The following SPIDR variants were observed in gnomAD, a reference collection of about 807,000 sequenced individuals.
SPIDR encodes the protein DNA repair-scaffolding protein.
Under a neutral mutation model 104.6 loss-of-function variants are expected in SPIDR, and 93 were observed. The observed-to-expected ratio is 0.89, with a 90% CI of 0.75 to 1.06. The LOEUF (loss-of-function observed/expected upper bound fraction) is 1.06. Ranked by LOEUF, SPIDR falls within the 50% of genes least tolerant of loss-of-function variation. SPIDR has a pLI of 0.00. For synonymous variants in SPIDR, 431 were observed against 416.9 expected (o/e 1.03, Z -0.41); for missense variants, 1,154 against 1,111.2 (o/e 1.04, Z -0.55).
intron 5 of SPIDR, among the ~76,000 whole-genome samples, chr8:47,343,589 A>G (rs1386608615): frequency 1.3e-5 from 2 of 152,172 alleles, no homozygotes; most frequent in East Asian, 3.9e-4. Flanking sequence ...GGGTGGATGG[A>G]GTCTCATCTG....
Position 47,279,942 on chromosome 8 carries a change from A to G in SPIDR, c.114A>G (p.Thr38=). ...PLQVRRAGLR[T]AGAAASLSEA... is the part of the protein sequence containing the mutation. The stretch of plus-strand genomic sequence containing the variant: ...AGGTCAGAAGAGCAGGTCTCAGGAC[A>G]GCAGGGGCAGCTGCCTCTCTCTCTG... Residue 38 remains threonine (T), a synonymous_variant, in exon 2 of 20, where the codon ACA becomes ACG. Transcript: ENST00000297423. 6.2e-7 allele frequency: 1 copy of G among 1,614,198 alleles called. No homozygotes were observed. Among genetic ancestry groups the G allele is most frequent in the Non-Finnish European group, 8.5e-7 (1 of 1,180,000 alleles).
chr8:47,588,859 T>C (rs933394259), intron 8 of SPIDR, among the ~76,000 whole-genome samples: 60 of 152,144 alleles, frequency 3.9e-4, no homozygotes, highest in Admixed American at 1.3e-3. Context: ...GCCTTCAACT[T>C]GGTGAAGGTG....
chr8:47,686,961 A>G (rs2077909617), intron 11 of SPIDR, among the ~76,000 whole-genome samples: 1 of 151,272 alleles, frequency 6.6e-6, no homozygotes, highest in Admixed American at 6.6e-5. Context: ...TTCAAAGTTT[A>G]CTTAGATACT....
At chr8:47,466,585 G>T (rs2074816444) in intron 8 of SPIDR, among the ~76,000 whole-genome samples, 1 of 152,082 alleles carries the variant, frequency 6.6e-6, no homozygotes, top group African/African-American at 2.4e-5. Context: ...GATTGGCTAG[G>T]TGCAGTGGCT....
At chr8:47,343,599 G>C (rs1168658447) in intron 5 of SPIDR, among the ~76,000 whole-genome samples, 2 of 152,186 alleles carry the variant, frequency 1.3e-5, no homozygotes, top group African/African-American at 4.8e-5. Context: ...AGTCTCATCT[G>C]CGTGTGCTTC....
At chr8:47,495,038 A>G (rs1586675779) in intron 8 of SPIDR, among the ~76,000 whole-genome samples, 1 of 152,246 alleles carries the variant, frequency 6.6e-6, no homozygotes, top group East Asian at 1.9e-4. Flanking sequence ...AACCAACTCT[A>G]TTTCAGTGAC....
rs192208073 is a variant in SPIDR at position 47,568,677 on chromosome 8, C to T, written c.1098-27134C>T. On this transcript the variant is annotated intron_variant, in intron 8 of 19. Coordinates refer to ENST00000297423, the MANE Select transcript of SPIDR (RefSeq NM_001080394.4). ...CCAGGGTGAGCAAAGAGGATTTTCA[C>T]GTATCAGAAGAGAAAGAGAAAGGGG... is the stretch of plus-strand genomic sequence containing the variant. 1.6e-3 allele frequency among the ~76,000 whole-genome samples: 243 copies of T among 152,062 alleles called. 1 individual carries two copies. Among genetic ancestry groups the T allele is most frequent in the African/African-American group, 5.4e-3 (222 of 41,452 alleles).
At chr8:47,337,506 G>A (rs916822595) in intron 5 of SPIDR, among the ~76,000 whole-genome samples, 1 of 151,502 alleles carries the variant, frequency 6.6e-6, no homozygotes, top group African/African-American at 2.4e-5. Context: ...TTTCCCAGAT[G>A]TATGATTTGT....
chr8:47,511,009 A>G, intron 8 of SPIDR: 1 of 721,494 alleles, frequency 1.4e-6, no homozygotes, highest in South Asian at 1.5e-5. Flanking sequence ...CACAGGAGAG[A>G]GGCCAGGCAG....
intron 1 of SPIDR, among the ~76,000 whole-genome samples, chr8:47,273,175 C>A (rs1164604505): frequency 6.6e-6 from 1 of 152,068 alleles, no homozygotes; most frequent in Non-Finnish European, 1.5e-5. Flanking sequence ...CGAGACTGGC[C>A]CCACTTCAGA....
At chr8:47,708,368 T>C (rs920085003) in intron 14 of SPIDR, among the ~76,000 whole-genome samples, 1 of 152,234 alleles carries the variant, frequency 6.6e-6, no homozygotes, top group Non-Finnish European at 1.5e-5. Context: ...TTAGACTTTT[T>C]TCTTTTAGAG....
At chr8:47,496,226 A>G (rs2079418603) in intron 8 of SPIDR, among the ~76,000 whole-genome samples, 1 of 152,102 alleles carries the variant, frequency 6.6e-6, no homozygotes, top group Non-Finnish European at 1.5e-5. Flanking sequence ...CTCTAGTACA[A>G]TGTCGAATAG....
intron 8 of SPIDR, among the ~76,000 whole-genome samples, chr8:47,565,441 T>A (rs961014644): frequency 6.6e-6 from 1 of 152,176 alleles, no homozygotes; most frequent in African/African-American, 2.4e-5. Flanking sequence ...ATAAAGAACC[T>A]TGTACCATTC....
intron 5 of SPIDR, among the ~76,000 whole-genome samples, chr8:47,347,007 G>T (rs1554618633): frequency 7.2e-5 from 11 of 152,092 alleles, no homozygotes. Context: ...TTTTGAAGGT[G>T]TTTGCTCTTG....
chr8:47,487,772 A>G (rs2077936500), intron 8 of SPIDR, among the ~76,000 whole-genome samples: 1 of 152,232 alleles, frequency 6.6e-6, no homozygotes, highest in Non-Finnish European at 1.5e-5. Context: ...ACATAACGAA[A>G]TGAAGGCTGA....
At chr8:47,316,210 A>T (rs146687534) in intron 5 of SPIDR, among the ~76,000 whole-genome samples, 1 of 152,238 alleles carries the variant, frequency 6.6e-6, no homozygotes, top group Non-Finnish European at 1.5e-5. Context: ...GTTACTAAAC[A>T]TCGTCAATTA....
intron 1 of SPIDR, among the ~76,000 whole-genome samples, chr8:47,267,513 A>G (rs1554547715): frequency 6.6e-6 from 1 of 152,224 alleles, no homozygotes; most frequent in Non-Finnish European, 1.5e-5. Flanking sequence ...CATTCTTGCT[A>G]ACACTTGCCA....
intron 10 of SPIDR, among the ~76,000 whole-genome samples, chr8:47,667,075 G>A (rs1034613238): frequency 1.3e-5 from 2 of 152,084 alleles, no homozygotes; most frequent in African/African-American, 4.8e-5. Flanking sequence ...GAGGTCAGGA[G>A]TTCAAGACCA....
chr8:47,632,045 C>T (rs957755614), intron 10 of SPIDR, among the ~76,000 whole-genome samples: 5 of 152,112 alleles, frequency 3.3e-5, no homozygotes, highest in African/African-American at 1.2e-4. Flanking sequence ...CACCCAAATG[C>T]AGCATATTTT....
Sources: gnomAD v4.1 joint callset for allele counts (sites outside exome capture counted in the v4.1 genomes callset) on GRCh38, gnomAD v4.1.1 for gene constraint, MANE v1.5 for transcripts, NCBI Gene and HGNC (gene_info 2026-07-23, HGNC 2026-07-21) for gene names.